NUP155: variants seen among roughly 807,000 people sequenced by gnomAD.
NUP155 encodes the protein nucleoporin 155, also known as nuclear pore complex protein Nup155.
A neutral mutation model predicts 180.4 loss-of-function variants in NUP155; 71 were observed. The observed-to-expected ratio is 0.39, with a 90% CI of 0.33 to 0.48. NUP155 has a LOEUF of 0.48. Ranked by LOEUF, NUP155 falls within the 20% of genes least tolerant of loss-of-function variation. The pLI, the probability that NUP155 is intolerant of heterozygous loss-of-function variation, is 0.91. For missense variants in NUP155, 1,553 were observed against 1,648.9 expected (o/e 0.94, Z 1.01); for synonymous variants, 582 against 559.5 (o/e 1.04, Z -0.57).
intron 7 of NUP155, among the ~76,000 whole-genome samples, chr5:37,349,785 T>C (rs1369931428): frequency 6.6e-6 from 1 of 152,216 alleles, no homozygotes; most frequent in Admixed American, 6.5e-5. Context: ...TTGAAATCTC[T>C]CAGTTCATTA....
intron 19 of NUP155, among the ~76,000 whole-genome samples, chr5:37,325,087 G>T (rs1247012368): frequency 6.6e-6 from 1 of 152,148 alleles, no homozygotes; most frequent in African/African-American, 2.4e-5. Context: ...GGAGGCAGGG[G>T]TTACGATGGG....
At chr5:37,321,942 G>A (rs1438779419) in intron 20 of NUP155, among the ~76,000 whole-genome samples, 3 of 151,992 alleles carry the variant, frequency 2.0e-5, no homozygotes, top group African/African-American at 7.2e-5. Flanking sequence ...CGCAACCTCC[G>A]CCTCCCAGGT....
At chr5:37,319,758 C>T (rs1744124675) in intron 20 of NUP155, among the ~76,000 whole-genome samples, 2 of 152,174 alleles carry the variant, frequency 1.3e-5, no homozygotes, top group South Asian at 4.1e-4. Context: ...GTAGTCCCAA[C>T]TACTCAGGAG....
At chr5:37,328,231 G>T in intron 17 of NUP155, 127 bp downstream of exon 17, 1 of 764,360 alleles carries the variant, frequency 1.3e-6, no homozygotes, top group Non-Finnish European at 2.2e-6. Context: ...CTTGGACAGC[G>T]CTTCTAAAAT....
chr5:37,343,091 T>A (rs761894170), intron 9 of NUP155, among the ~76,000 whole-genome samples: 3 of 152,018 alleles, frequency 2.0e-5, no homozygotes, highest in Non-Finnish European at 4.4e-5. Context: ...TTTCTTTTTT[T>A]TGAGACGGAG....
At chr5:37,303,530 A>G (rs1742978256) in intron 27 of NUP155, 116 bp from the exon 28 acceptor site, 1 of 842,978 alleles carries the variant, frequency 1.2e-6, no homozygotes, top group African/African-American at 1.7e-5. Flanking sequence ...TTATGAAAAC[A>G]AGCAAAATTA....
At chr5:37,313,285 G>C (rs1743639550) in intron 22 of NUP155, among the ~76,000 whole-genome samples, 1 of 151,966 alleles carries the variant, frequency 6.6e-6, no homozygotes, top group Non-Finnish European at 1.5e-5. Context: ...CAAAAAATTA[G>C]CTGGGCGTGG....
chr5:37,359,674 T>G (rs6894024), intron 3 of NUP155, among the ~76,000 whole-genome samples: 7,017 of 152,222 alleles, frequency 0.046, 555 homozygotes, highest in African/African-American at 0.16. Flanking sequence ...TAACATGATT[T>G]CTGGCTTTCA....
chr5:37,360,526 T>C (rs1581213194), intron 3 of NUP155, among the ~76,000 whole-genome samples: 1 of 149,150 alleles, frequency 6.7e-6, no homozygotes. Flanking sequence ...TGGCTTACGC[T>C]TGTAATCCCA....
At chr5:37,318,169 T>A in intron 20 of NUP155, 84 bp from the exon 21 acceptor site, 1 of 896,048 alleles carries the variant, frequency 1.1e-6, no homozygotes, top group South Asian at 1.3e-5. Context: ...ACATTTAATA[T>A]GTTTACTTTT....
intron 4 of NUP155, among the ~76,000 whole-genome samples, chr5:37,356,735 G>A (rs1685355549): frequency 6.6e-6 from 1 of 152,154 alleles, no homozygotes; most frequent in African/African-American, 2.4e-5. Flanking sequence ...TTGGCATTAT[G>A]AGGGTGAAAC....
intron 32 of NUP155, among the ~76,000 whole-genome samples, chr5:37,297,105 T>A (rs778274063): frequency 2.0e-5 from 3 of 152,076 alleles, no homozygotes; most frequent in African/African-American, 7.2e-5. Flanking sequence ...GAAAAAAATA[T>A]ATATATATAA....
At chr5:37,326,698 G>A (rs972424950) in intron 18 of NUP155, among the ~76,000 whole-genome samples, 3 of 152,132 alleles carry the variant, frequency 2.0e-5, no homozygotes, top group African/African-American at 7.2e-5. Flanking sequence ...ACATGTGAGA[G>A]TCTAGCCAAG....
At chr5:37,363,068 C>T (rs1215263495) in intron 3 of NUP155, among the ~76,000 whole-genome samples, 1 of 152,076 alleles carries the variant, frequency 6.6e-6, no homozygotes, top group Non-Finnish European at 1.5e-5. Flanking sequence ...TGTGCCACCA[C>T]ACTTGGCTAA....
intron 27 of NUP155, among the ~76,000 whole-genome samples, chr5:37,303,911 C>T (rs1743002319): frequency 6.6e-6 from 1 of 151,922 alleles, no homozygotes; most frequent in Non-Finnish European, 1.5e-5. Flanking sequence ...CATTGCACTG[C>T]ACTTCAGCCT....
chr5:37,313,618 A>T (rs1743674731), intron 22 of NUP155, among the ~76,000 whole-genome samples: 1 of 151,872 alleles, frequency 6.6e-6, no homozygotes, highest in Admixed American at 6.6e-5. Context: ...CTCCCACTTC[A>T]GCCTCCCAAG....
At chr5:37,328,207 A>G (rs567567065) in intron 17 of NUP155, 151 bp downstream of exon 17, 19 of 675,192 alleles carry the variant, frequency 2.8e-5, no homozygotes, top group Non-Finnish European at 4.4e-5. Flanking sequence ...TTCACATCCA[A>G]ATGCCAAAAC....
chr5:37,288,543 T>TA lies in NUP155; in HGVS notation c.*3356dup, dbSNP rs1256137019. On this transcript the variant is annotated 3_prime_UTR_variant, in exon 35 of 35. Transcript: ENST00000231498. ...TCAATGATTCTTCACTGCCCACAAT[T>TA]AACGCACTGTTTCATAGACTATGTT... is the stretch of plus-strand genomic sequence containing the variant. The TA allele has an allele frequency of 3.9e-5, 6 of 152,028 alleles. No individual in the cohort carries two copies. Among genetic ancestry groups the TA allele is most frequent in the Non-Finnish European group, 8.8e-5 (6 of 68,022 alleles). 9.4% of individuals were successfully genotyped at this position (152,028 alleles called of 1,614,324 possible).
At chr5:37,307,525 A>G (rs1743233454) in intron 24 of NUP155, 93 bp from the exon 25 acceptor site, 1 of 1,188,226 alleles carries the variant, frequency 8.4e-7, no homozygotes, top group Non-Finnish European at 1.3e-6. Context: ...GATCAAGGTT[A>G]TGTCTCTACT....
Sources: gnomAD v4.1 joint callset for allele counts (sites outside exome capture counted in the v4.1 genomes callset) on GRCh38, gnomAD v4.1.1 for gene constraint, MANE v1.5 for transcripts, NCBI Gene and HGNC (gene_info 2026-07-23, HGNC 2026-07-21) for gene names.